The following ATP8A2 variants were observed in gnomAD, a reference collection of about 807,000 sequenced individuals.
The protein encoded by ATP8A2 is phospholipid-transporting ATPase IB.
A neutral mutation model predicts 165.6 loss-of-function variants in ATP8A2; 100 were observed. That is an observed-to-expected ratio of 0.60 (90% CI 0.51 to 0.71). The LOEUF (loss-of-function observed/expected upper bound fraction) is 0.71. ATP8A2 is among the 30% of genes least tolerant of loss of function. The pLI, the probability that ATP8A2 is intolerant of heterozygous loss-of-function variation, is 0.00. For synonymous variants in ATP8A2, 543 were observed against 548.8 expected (o/e 0.99, Z 0.15); for missense variants, 1,227 against 1,479.5 (o/e 0.83, Z 2.80).
At chr13:25,814,017 G>A (rs1390975165) in intron 27 of ATP8A2, among the ~76,000 whole-genome samples, 1 of 151,996 alleles carries the variant, frequency 6.6e-6, no homozygotes, top group East Asian at 1.9e-4. Context: ...GACCCCCTCT[G>A]CAGATCTTGG....
intron 33 of ATP8A2, among the ~76,000 whole-genome samples, chr13:25,948,598 T>C (rs9581492): frequency 0.01 from 1,596 of 152,284 alleles, 34 homozygotes; most frequent in African/African-American, 0.034. Flanking sequence ...TCCAATGTGA[T>C]GGCTGCATCA....
At chr13:25,981,095 T>C (rs1566324196) in intron 35 of ATP8A2, among the ~76,000 whole-genome samples, 1 of 152,208 alleles carries the variant, frequency 6.6e-6, no homozygotes, top group Non-Finnish European at 1.5e-5. Context: ...CTATATCTAG[T>C]TTACTTTTGT....
intron 6 of ATP8A2, among the ~76,000 whole-genome samples, chr13:25,534,818 C>T (rs957873650): frequency 2.0e-4 from 30 of 152,342 alleles, no homozygotes; most frequent in African/African-American, 7.2e-4. Context: ...TCACCGTCCA[C>T]AGAGCTGCTG....
chr13:25,952,011 G>A (rs544080010), intron 33 of ATP8A2, among the ~76,000 whole-genome samples: 1 of 152,254 alleles, frequency 6.6e-6, no homozygotes, highest in East Asian at 1.9e-4. Flanking sequence ...ACATACCAGT[G>A]GCTTGTTATT....
chr13:25,778,075 T>C (rs1302617100), intron 27 of ATP8A2, among the ~76,000 whole-genome samples: 1 of 152,192 alleles, frequency 6.6e-6, no homozygotes, highest in Non-Finnish European at 1.5e-5. Flanking sequence ...TTACTATGTA[T>C]AGACCCAGGG....
chr13:25,945,137 T>C (rs535540105), intron 33 of ATP8A2, among the ~76,000 whole-genome samples: 14 of 152,288 alleles, frequency 9.2e-5, no homozygotes, highest in African/African-American at 3.1e-4. Flanking sequence ...GCAAAACATA[T>C]ACATATTTAT....
chr13:25,859,418 A>G (rs1225950597), intron 30 of ATP8A2, among the ~76,000 whole-genome samples: 2 of 152,194 alleles, frequency 1.3e-5, no homozygotes, highest in East Asian at 3.9e-4. Context: ...AGTGTCATCC[A>G]AGGAAACTAA....
At position 25,807,330 on chromosome 13, in the gene ATP8A2, G is replaced by A. The variant is rs372674913; in HGVS notation, c.2680-20788G>A. Among the ~76,000 whole-genome samples, 6 of 152,092 alleles carry A rather than the reference G, an allele frequency of 3.9e-5. No individual in the cohort carries two copies. The East Asian group carries it at 1.2e-3, about 29-fold the overall frequency. ...CTATAGATTCAGCTCTTAAACTTACGACTGTTATTTATTTTGAGTTATTGT... is the reference window on the plus strand; with the variant it reads ...CTATAGATTCAGCTCTTAAACTTACAACTGTTATTTATTTTGAGTTATTGT... On this transcript the variant is annotated intron_variant, in intron 27 of 36. Coordinates refer to ENST00000381655, the MANE Select transcript of ATP8A2 (RefSeq NM_016529.6).
intron 1 of ATP8A2, among the ~76,000 whole-genome samples, chr13:25,386,878 T>C (rs1253426133): frequency 4.7e-5 from 7 of 149,662 alleles, no homozygotes; most frequent in Admixed American, 4.0e-4. Flanking sequence ...GCACCTGTAG[T>C]CCCAGCTACT....
chr13:25,427,489 G>A (rs767044572), intron 1 of ATP8A2, among the ~76,000 whole-genome samples: 7 of 152,136 alleles, frequency 4.6e-5, no homozygotes, highest in Non-Finnish European at 7.4e-5. Context: ...CTCCACGCCC[G>A]GGTCATGGGA....
intron 25 of ATP8A2, among the ~76,000 whole-genome samples, chr13:25,737,802 C>T (rs1295001431): frequency 6.6e-6 from 1 of 152,244 alleles, no homozygotes; most frequent in Non-Finnish European, 1.5e-5. Flanking sequence ...TCTGCCTCAG[C>T]CTCCCGAGTA....
rs1020250170 is a variant in ATP8A2, at chr13:25,619,346, A to G, written c.2211+29647A>G. Among the ~76,000 whole-genome samples, 9 of 152,178 alleles carry G rather than the reference A, an allele frequency of 5.9e-5. No homozygotes were observed. The South Asian group carries it at 1.5e-3, about 25-fold the overall frequency. On this transcript the variant is annotated intron_variant, in intron 24 of 36. Coordinates refer to ENST00000381655, the MANE Select transcript of ATP8A2 (RefSeq NM_016529.6). ...CAGACTCTACATTTCTCAAAAGCCA[A>G]TGCAGCTCCTCTTCATAGGAGGGCA...
chr13:25,543,501 T>A, intron 10 of ATP8A2, 99 bp downstream of exon 10: 1 of 753,936 alleles, frequency 1.3e-6, no homozygotes, highest in Non-Finnish European at 2.2e-6. Context: ...AGTTCAAATT[T>A]GTCTATGAAC....
chr13:25,503,939 T>G (rs1252305833), intron 2 of ATP8A2, among the ~76,000 whole-genome samples: 1 of 152,212 alleles, frequency 6.6e-6, no homozygotes, highest in East Asian at 1.9e-4. Flanking sequence ...CAGTAGGATT[T>G]GGAGATTGTC....
At chr13:25,609,562 G>GATTCAAATATATATATATATATTTGC (rs1565976952) in intron 24 of ATP8A2, among the ~76,000 whole-genome samples, 3 of 145,722 alleles carry the variant, frequency 2.1e-5, no homozygotes, top group African/African-American at 7.6e-5. Flanking sequence ...TATATATTTG[G>GATTCAAATATATATATATATATTTGC]ATTCAAATAT....
intron 24 of ATP8A2, among the ~76,000 whole-genome samples, chr13:25,600,215 A>G (rs997554624): frequency 6.6e-6 from 1 of 152,222 alleles, no homozygotes; most frequent in Non-Finnish European, 1.5e-5. Context: ...GCTAGGTTAA[A>G]GAAGTGATTG....
chr13:25,890,371 C>T (rs775837855), intron 33 of ATP8A2, among the ~76,000 whole-genome samples: 38 of 152,114 alleles, frequency 2.5e-4, no homozygotes, highest in Admixed American at 6.5e-4. Flanking sequence ...ACGCCTGGTA[C>T]ACAAATATTA....
chr13:25,551,229 A>G, intron 10 of ATP8A2, 109 bp from the exon 11 acceptor site: 2 of 1,051,794 alleles, frequency 1.9e-6, no homozygotes, highest in Non-Finnish European at 2.8e-6. Context: ...GCAAAAAAAT[A>G]GTCTTTTACT....
intron 1 of ATP8A2, among the ~76,000 whole-genome samples, chr13:25,412,587 G>A (rs1237766507): frequency 1.3e-5 from 2 of 152,196 alleles, no homozygotes; most frequent in African/African-American, 4.8e-5. Flanking sequence ...TATAAGAAGG[G>A]CCTTCAGGCT....
Sources: gnomAD v4.1 joint callset for allele counts (sites outside exome capture counted in the v4.1 genomes callset) on GRCh38, gnomAD v4.1.1 for gene constraint, MANE v1.5 for transcripts, NCBI Gene and HGNC (gene_info 2026-07-23, HGNC 2026-07-21) for gene names.